The following KDM4C variants were observed in gnomAD, a reference collection of about 807,000 sequenced individuals.
KDM4C encodes the protein lysine-specific demethylase 4C.
In KDM4C, 81 loss-of-function variants were observed where a neutral mutation model predicts 129.3. That is an observed-to-expected ratio of 0.63 (90% CI 0.52 to 0.75). The LOEUF is 0.75. KDM4C is among the 30% of genes least tolerant of loss of function. KDM4C has a pLI of 0.00. For synonymous variants in KDM4C, 573 were observed against 456.1 expected (o/e 1.26, Z -3.26); for missense variants, 1,457 against 1,304.0 (o/e 1.12, Z -1.81).
Position 6,801,635 on chromosome 9 carries a change from C to G in KDM4C, c.145-3964C>G, listed in dbSNP as rs140977960. Among the ~76,000 whole-genome samples the G allele has an allele frequency of 7.2e-3, 1,086 of 150,932 alleles. 19 individuals carry two copies. Among genetic ancestry groups the G allele is most frequent in the African/African-American group, 0.025 (1,012 of 40,564 alleles). ...GCAGATATGCTCTCTCTCTCTCTCT[C>G]TCTCTGTCTCTCTCTCTCTCTCTCT... On this transcript the variant is annotated intron_variant, in intron 2 of 21. Transcript: ENST00000381309.
intron 1 of KDM4C, among the ~76,000 whole-genome samples, chr9:6,773,541 A>G (rs1822342783): frequency 6.6e-6 from 1 of 152,008 alleles, no homozygotes; most frequent in Non-Finnish European, 1.5e-5. Flanking sequence ...GGAGGCTGAG[A>G]CGGGCAGATC....
intron 8 of KDM4C, among the ~76,000 whole-genome samples, chr9:6,898,066 T>C (rs1816744720): frequency 1.3e-5 from 2 of 152,194 alleles, no homozygotes; most frequent in South Asian, 2.1e-4. Context: ...TATTTCATTT[T>C]TCCGTTTGCT....
chr9:7,049,026 A>G, intron 16 of KDM4C, 66 bp from the exon 17 acceptor site: 1 of 1,019,702 alleles, frequency 9.8e-7, no homozygotes, highest in Non-Finnish European at 1.5e-6. Context: ...GAGAACTGGC[A>G]TCACCAAGTT....
chr9:6,739,934 G>C (rs192790608), intron 1 of KDM4C, among the ~76,000 whole-genome samples: 16 of 152,044 alleles, frequency 1.1e-4, no homozygotes, highest in Admixed American at 4.6e-4. Flanking sequence ...TCTGTTGCCA[G>C]GCTGGAGTGC....
At chr9:6,773,143 G>T (rs1822243077) in intron 1 of KDM4C, among the ~76,000 whole-genome samples, 1 of 152,002 alleles carries the variant, frequency 6.6e-6, no homozygotes. Context: ...GGGATTACAG[G>T]TGCACACTAC....
At chr9:6,859,205 C>T (rs1297725438) in intron 5 of KDM4C, among the ~76,000 whole-genome samples, 5 of 152,112 alleles carry the variant, frequency 3.3e-5, no homozygotes, top group African/African-American at 1.2e-4. Context: ...TGGCCGGGTA[C>T]GGTGGTTCAT....
chr9:7,025,436 C>T (rs1825650598), intron 15 of KDM4C, among the ~76,000 whole-genome samples: 1 of 152,118 alleles, frequency 6.6e-6, no homozygotes, highest in Non-Finnish European at 1.5e-5. Flanking sequence ...CTCTTCCTTT[C>T]TTCATTCCTT....
At chr9:6,944,368 A>G (rs1403524015) in intron 8 of KDM4C, among the ~76,000 whole-genome samples, 1 of 152,206 alleles carries the variant, frequency 6.6e-6, no homozygotes, top group Non-Finnish European at 1.5e-5. Context: ...TTTCATGCAC[A>G]TCAGTTCTGG....
chr9:6,907,381 A>AT lies in KDM4C; in HGVS notation c.921+14157dup, dbSNP rs529489360. ...CTGTGAGGTTGACATTCATTTATTTATTTTTTTTGCAAGTCTATTTTCATG... is the reference window on the plus strand; with the variant it reads ...CTGTGAGGTTGACATTCATTTATTTATTTTTTTTTGCAAGTCTATTTTCATG... On this transcript the variant is annotated intron_variant, in intron 8 of 21. Transcript: ENST00000381309. 2.8e-4 allele frequency among the ~76,000 whole-genome samples: 42 copies of AT among 151,962 alleles called. No homozygotes were observed. In the Middle Eastern group the frequency reaches 0.014, roughly 49 times the overall value.
chr9:6,952,283 A>G (rs893743388), intron 8 of KDM4C, among the ~76,000 whole-genome samples: 11 of 151,956 alleles, frequency 7.2e-5, no homozygotes, highest in Non-Finnish European at 1.3e-4. Flanking sequence ...GCCTATGTCC[A>G]AGAGTAAAGG....
At chr9:6,799,925 T>A (rs1828610590) in intron 2 of KDM4C, among the ~76,000 whole-genome samples, 1 of 152,112 alleles carries the variant, frequency 6.6e-6, no homozygotes, top group Non-Finnish European at 1.5e-5. Flanking sequence ...TCATATTCTT[T>A]TCAAATATTG....
chr9:7,170,748 T>C (rs1844873208), intron 21 of KDM4C: 2 of 983,558 alleles, frequency 2.0e-6, no homozygotes, highest in Non-Finnish European at 2.4e-6. Context: ...GCTTATGATA[T>C]ACTTGTCTGC....
intron 12 of KDM4C, among the ~76,000 whole-genome samples, chr9:6,994,692 G>A (rs541147249): frequency 6.6e-6 from 1 of 152,234 alleles, no homozygotes; most frequent in South Asian, 2.1e-4. Flanking sequence ...ACCTCAACGT[G>A]TTACATACTG....
Position 7,085,528 on chromosome 9 carries a change from C to G in KDM4C, c.2425-18157C>G, listed in dbSNP as rs577650627. Among the ~76,000 whole-genome samples the G allele has an allele frequency of 1.4e-3, 210 of 152,242 alleles. 1 individual carries two copies. Among genetic ancestry groups the G allele is most frequent in the African/African-American group, 4.9e-3 (203 of 41,538 alleles). The stretch of plus-strand genomic sequence containing the variant: ...AAATACGGGGTCATGATGGCTGACC[C>G]TGGAACAGCTCTGGTCTAGGATGAC... On this transcript the variant is annotated intron_variant, in intron 17 of 21. Transcript: ENST00000381309.
At chr9:6,899,445 T>C (rs536319636) in intron 8 of KDM4C, among the ~76,000 whole-genome samples, 1 of 152,236 alleles carries the variant, frequency 6.6e-6, no homozygotes, top group African/African-American at 2.4e-5. Context: ...GTACATTCAG[T>C]GGGTTTGAAC....
chr9:7,081,088 A>G (rs1240577436), intron 17 of KDM4C, among the ~76,000 whole-genome samples: 1 of 152,210 alleles, frequency 6.6e-6, no homozygotes, highest in Non-Finnish European at 1.5e-5. Flanking sequence ...ATATTTGTAG[A>G]TTCACATCAG....
At chr9:6,876,493 G>A (rs1054212457) in intron 5 of KDM4C, among the ~76,000 whole-genome samples, 2 of 152,170 alleles carry the variant, frequency 1.3e-5, no homozygotes, top group African/African-American at 2.4e-5. Context: ...TTTAACGTGC[G>A]TTCCCCTCTA....
intron 5 of KDM4C, among the ~76,000 whole-genome samples, chr9:6,858,637 G>T (rs995485672): frequency 6.6e-6 from 1 of 152,064 alleles, no homozygotes; most frequent in Non-Finnish European, 1.5e-5. Context: ...GCCGGGTGTG[G>T]TGACGTGCGC....
At chr9:6,835,782 G>C (rs1835772585) in intron 4 of KDM4C, among the ~76,000 whole-genome samples, 1 of 152,146 alleles carries the variant, frequency 6.6e-6, no homozygotes. Flanking sequence ...TTTCTGCAGT[G>C]TGGCTGAGGA....
Sources: allele counts gnomAD v4.1 joint callset (sites outside exome capture counted in the v4.1 genomes callset), GRCh38; gene constraint gnomAD v4.1.1; transcripts MANE v1.5; gene names NCBI Gene and HGNC (gene_info 2026-07-23, HGNC 2026-07-21).